The following ANKS1B variants were observed in gnomAD, a reference collection of about 807,000 sequenced individuals.
ANKS1B encodes ankyrin repeat and sterile alpha motif domain containing 1B.
In ANKS1B, 36 loss-of-function variants were observed where a neutral mutation model predicts 148.3. That is an observed-to-expected ratio of 0.24 (90% CI 0.19 to 0.32). The LOEUF is 0.32. Among genes scored for constraint, ANKS1B ranks in the 10% least tolerant of loss-of-function variants. ANKS1B has a pLI of 1.00. For synonymous variants in ANKS1B, 542 were observed against 560.8 expected, an observed-to-expected ratio of 0.97 and a Z score of 0.47; for missense variants, 1,157 against 1,542.6, an observed-to-expected ratio of 0.75 and a Z score of 4.19.
chr12:99,112,600 A>T (rs2060522115), intron 15 of ANKS1B, among the ~76,000 whole-genome samples: 1 of 152,076 alleles, frequency 6.6e-6, no homozygotes, highest in South Asian at 2.1e-4. Flanking sequence ...TGGATCTGTT[A>T]TGTATCAGGT....
chr12:99,594,084 C>T (rs148592986), intron 9 of ANKS1B, among the ~76,000 whole-genome samples: 22 of 152,012 alleles, frequency 1.4e-4, no homozygotes, highest in Non-Finnish European at 2.9e-4. Context: ...CTCATTCTCC[C>T]CCTATCTAAA....
chr12:99,575,102 C>T (rs2097503054), intron 9 of ANKS1B, among the ~76,000 whole-genome samples: 2 of 151,944 alleles, frequency 1.3e-5, no homozygotes, highest in East Asian at 1.9e-4. Context: ...TATCAGTAAA[C>T]CATTGGACAG....
rs375040399 is a variant in ANKS1B at position 99,070,894 on chromosome 12, C to T, written c.2625+14031G>A. Among the ~76,000 whole-genome samples, 60 of 152,222 alleles carry T rather than the reference C, an allele frequency of 3.9e-4. No individual in the cohort carries two copies. In the South Asian group the frequency reaches 0.012, roughly 30 times the overall value. On this transcript the variant is annotated intron_variant, in intron 16 of 26. Coordinates refer to ENST00000683438, the MANE Select transcript of ANKS1B (RefSeq NM_001352186.2). ...TGCCCAGCCTTGTCTTGAAGTCCTT[C>T]CCTCACGCGATCCTCCTGCCTTGGC...
chr12:98,775,256 T>C (rs1313846484), intron 24 of ANKS1B, among the ~76,000 whole-genome samples: 1 of 152,208 alleles, frequency 6.6e-6, no homozygotes, highest in Non-Finnish European at 1.5e-5. Flanking sequence ...AAAAGTGCTC[T>C]GTGATTTTTA....
At chr12:99,917,259 A>C (rs144581734) in intron 1 of ANKS1B, among the ~76,000 whole-genome samples, 6 of 152,340 alleles carry the variant, frequency 3.9e-5, no homozygotes, top group Admixed American at 1.3e-4. Context: ...TACCTAACAA[A>C]GCATCTATAG....
At chr12:99,897,275 CT>C (rs986426635) in intron 1 of ANKS1B, among the ~76,000 whole-genome samples, 2 of 150,978 alleles carry the variant, frequency 1.3e-5, no homozygotes, top group African/African-American at 2.4e-5. Context: ...CTTACTATAG[CT>C]TTTTTCAAAA....
intron 12 of ANKS1B, among the ~76,000 whole-genome samples, chr12:99,350,780 T>C (rs2091320929): frequency 6.6e-6 from 1 of 152,098 alleles, no homozygotes. Flanking sequence ...CCCTCAAATG[T>C]AGTGTAGGAA....
chr12:99,628,622 A>C (rs770399319), intron 9 of ANKS1B, among the ~76,000 whole-genome samples: 2 of 152,226 alleles, frequency 1.3e-5, no homozygotes, highest in Non-Finnish European at 2.9e-5. Flanking sequence ...TTAGTATAAC[A>C]GAATACTTCA....
intron 17 of ANKS1B, among the ~76,000 whole-genome samples, chr12:99,041,250 A>G (rs987931646): frequency 2.6e-5 from 4 of 152,232 alleles, no homozygotes; most frequent in Non-Finnish European, 5.9e-5. Flanking sequence ...AAGTAACCTA[A>G]GGAATCAAAT....
chr12:98,956,914 C>T (rs1488922199), intron 17 of ANKS1B, among the ~76,000 whole-genome samples: 1 of 152,156 alleles, frequency 6.6e-6, no homozygotes, highest in East Asian at 1.9e-4. Flanking sequence ...CCTCCTTCTC[C>T]TACCAGCTAC....
chr12:99,053,330 T>C (rs370056110), intron 16 of ANKS1B, 21 bp from the exon 17 acceptor site: 183 of 1,564,612 alleles, frequency 1.2e-4, no homozygotes, highest in Non-Finnish European at 1.5e-4. Context: ...GAAAATTACA[T>C]TAGGATTAAA....
intron 8 of ANKS1B, among the ~76,000 whole-genome samples, chr12:99,750,159 A>T (rs1265311073): frequency 6.6e-6 from 1 of 152,068 alleles, no homozygotes; most frequent in African/African-American, 2.4e-5. Flanking sequence ...TTTGTGAGTG[A>T]GGCACTTATA....
intron 8 of ANKS1B, among the ~76,000 whole-genome samples, chr12:99,666,793 T>C (rs1214400377): frequency 6.6e-6 from 1 of 152,126 alleles, no homozygotes; most frequent in Admixed American, 6.6e-5. Flanking sequence ...TTGCTATATG[T>C]ATAATTGTGA....
At chr12:99,770,585 C>T (rs981663518) in intron 8 of ANKS1B, among the ~76,000 whole-genome samples, 5 of 152,032 alleles carry the variant, frequency 3.3e-5, no homozygotes, top group African/African-American at 7.2e-5. Context: ...TTTAAACATT[C>T]GCTAACAGGT....
chr12:99,692,864 C>T (rs1020775051), intron 8 of ANKS1B, among the ~76,000 whole-genome samples: 4 of 152,134 alleles, frequency 2.6e-5, no homozygotes, highest in African/African-American at 7.2e-5. Flanking sequence ...CTACTCATCA[C>T]CTGAATGGTG....
chr12:98,895,389 G>C (rs564913159), intron 17 of ANKS1B: 2 of 859,036 alleles, frequency 2.3e-6, no homozygotes, highest in Non-Finnish European at 2.8e-6. Flanking sequence ...TGACCGGCTC[G>C]GCAGCGGCAG....
At chr12:99,631,270 C>G (rs2098157883) in intron 9 of ANKS1B, among the ~76,000 whole-genome samples, 1 of 152,112 alleles carries the variant, frequency 6.6e-6, no homozygotes, top group Admixed American at 6.5e-5. Flanking sequence ...TCCCCAGTTT[C>G]AGGTATTCTG....
intron 15 of ANKS1B, among the ~76,000 whole-genome samples, chr12:99,093,802 C>T (rs769962727): frequency 2.6e-5 from 4 of 151,976 alleles, no homozygotes; most frequent in Non-Finnish European, 4.4e-5. Flanking sequence ...TCTCTTGACA[C>T]TGAGAACTAC....
intron 11 of ANKS1B, among the ~76,000 whole-genome samples, chr12:99,434,925 T>C (rs2095434948): frequency 1.3e-5 from 2 of 152,072 alleles, no homozygotes; most frequent in Non-Finnish European, 2.9e-5. Context: ...TTGCTATTAC[T>C]GGCAATGTGG....
Sources: gnomAD v4.1 joint callset for allele counts (sites outside exome capture counted in the v4.1 genomes callset) on GRCh38, gnomAD v4.1.1 for gene constraint, MANE v1.5 for transcripts, NCBI Gene and HGNC (gene_info 2026-07-23, HGNC 2026-07-21) for gene names.